PIGN: variants seen among roughly 807,000 people sequenced by gnomAD.
The protein encoded by PIGN is phosphatidylinositol glycan anchor biosynthesis class N, also known as GPI ethanolamine phosphate transferase 1.
PIGN carries 117 observed loss-of-function variants against 125.4 expected under a neutral mutation model. That is an observed-to-expected ratio of 0.93 (90% CI 0.80 to 1.09). PIGN has a LOEUF of 1.09. Ranked by LOEUF, PIGN falls within the 50% of genes least tolerant of loss-of-function variation. PIGN has a pLI of 0.00. For synonymous variants in PIGN, 392 were observed against 377.8 expected (o/e 1.04, Z -0.44); for missense variants, 1,075 against 1,094.9 (o/e 0.98, Z 0.26).
intron 30 of PIGN, among the ~76,000 whole-genome samples, chr18:62,064,473 T>C (rs1359088349): frequency 6.6e-6 from 1 of 152,206 alleles, no homozygotes; most frequent in Admixed American, 6.5e-5. Flanking sequence ...GTATGGTGAG[T>C]GTTCAATATG....
At chr18:62,140,589 G>T in intron 11 of PIGN, 110 bp from the exon 12 acceptor site, 1 of 560,702 alleles carries the variant, frequency 1.8e-6, no homozygotes. Flanking sequence ...GTTATAATCA[G>T]TTACCTTCAA....
At chr18:62,175,033 T>C (rs1181204317) in intron 1 of PIGN, among the ~76,000 whole-genome samples, 2 of 145,586 alleles carry the variant, frequency 1.4e-5, no homozygotes, top group East Asian at 4.0e-4. Context: ...ATATATTAGA[T>C]ATATATTATA....
At chr18:62,115,559 C>G (rs2035056765) in intron 14 of PIGN, among the ~76,000 whole-genome samples, 1 of 149,822 alleles carries the variant, frequency 6.7e-6, no homozygotes. Flanking sequence ...CATGGGTCGA[C>G]ATAATATAAT....
chr18:62,165,399 G>A (rs2037096428), intron 1 of PIGN, among the ~76,000 whole-genome samples: 1 of 152,022 alleles, frequency 6.6e-6, no homozygotes, highest in African/African-American at 2.4e-5. Flanking sequence ...AATAAACTAA[G>A]ACCTGGGGCT....
intron 30 of PIGN, among the ~76,000 whole-genome samples, chr18:62,065,127 C>A (rs1367455845): frequency 1.3e-5 from 2 of 152,094 alleles, no homozygotes; most frequent in Non-Finnish European, 2.9e-5. Context: ...TCTCTCTCTC[C>A]CTCCCTTTGT....
intron 28 of PIGN, 65 bp downstream of exon 28, chr18:62,082,608 C>T (rs553671488): frequency 3.7e-5 from 31 of 837,606 alleles, no homozygotes; most frequent in African/African-American, 3.6e-4. Flanking sequence ...GAAATGTCTT[C>T]GAAAGTTTAC....
intron 23 of PIGN, among the ~76,000 whole-genome samples, chr18:62,032,089 T>C (rs983641969): frequency 2.0e-5 from 3 of 152,194 alleles, no homozygotes; most frequent in Admixed American, 2.0e-4. Flanking sequence ...TTAAGGACTT[T>C]TGCCATTGGG....
intron 21 of PIGN, 145 bp from the exon 22 acceptor site, chr18:62,101,328 C>A: frequency 1.7e-6 from 1 of 592,502 alleles, no homozygotes; most frequent in Non-Finnish European, 3.0e-6. Flanking sequence ...GTGGACAGTA[C>A]AGGAACTGAT....
chr18:62,047,390 C>A lies in PIGN; in HGVS notation c.2673-1411G>T, dbSNP rs61483616. Among the ~76,000 whole-genome samples the A allele has an allele frequency of 1.0e-2, 1,523 of 152,316 alleles. 20 individuals carry two copies. Among genetic ancestry groups the A allele is most frequent in the East Asian group, 0.049 (253 of 5,180 alleles). On this transcript the variant is annotated intron_variant, in intron 30 of 30. Coordinates refer to ENST00000640252, the MANE Select transcript of PIGN (RefSeq NM_176787.5). ...TGAAGCAGTAATGAGGTCCCTCCCC[C>A]TCTTCAATGGGGTCATGTCAGAGGA...
intron 1 of PIGN, among the ~76,000 whole-genome samples, chr18:62,174,156 G>T (rs910053320): frequency 1.3e-5 from 2 of 151,126 alleles, no homozygotes; most frequent in East Asian, 3.9e-4. Context: ...GGAGTTTACA[G>T]TGAACCAAGA....
chr18:62,022,720 T>C (rs959509143), intron 23 of PIGN, among the ~76,000 whole-genome samples: 5 of 152,194 alleles, frequency 3.3e-5, no homozygotes, highest in African/African-American at 9.7e-5. Context: ...GTACCTTGCA[T>C]TTCATTAGTA....
At chr18:62,113,917 C>T (rs1216698089) in intron 15 of PIGN, among the ~76,000 whole-genome samples, 1 of 152,108 alleles carries the variant, frequency 6.6e-6, no homozygotes, top group Non-Finnish European at 1.5e-5. Flanking sequence ...AAAATTTCAA[C>T]ATGAATCATT....
chr18:62,034,088 G>A (rs2030228543), intron 23 of PIGN, among the ~76,000 whole-genome samples: 1 of 152,188 alleles, frequency 6.6e-6, no homozygotes, highest in South Asian at 2.1e-4. Flanking sequence ...GAATTAGGTT[G>A]AATATGCCTT....
At position 62,031,445 on chromosome 18, in the gene PIGN, C is replaced by G. The variant is rs370445378; in HGVS notation, c.2143-13704G>C. Among the ~76,000 whole-genome samples the G allele has an allele frequency of 2.2e-3, 340 of 152,232 alleles. 3 individuals carry two copies. Among genetic ancestry groups the G allele is most frequent in the African/African-American group, 8.0e-3 (331 of 41,530 alleles). ...TTGTCTGAAACTATTTATGGGAACCCTTGGAATAAAAAGTAGGGATGAACC... is the reference window on the plus strand; with the variant it reads ...TTGTCTGAAACTATTTATGGGAACCGTTGGAATAAAAAGTAGGGATGAACC... On this transcript the variant is annotated intron_variant, in intron 23 of 24. Coordinates refer to the PIGN transcript ENST00000639600.
At chr18:62,152,467 C>T (rs1462857499) in intron 7 of PIGN, among the ~76,000 whole-genome samples, 1 of 151,964 alleles carries the variant, frequency 6.6e-6, no homozygotes, top group East Asian at 1.9e-4. Context: ...AGCGCCCTGG[C>T]TGAGAAAGTC....
At chr18:62,121,615 T>C (rs1346243369) in intron 14 of PIGN, among the ~76,000 whole-genome samples, 1 of 152,114 alleles carries the variant, frequency 6.6e-6, no homozygotes, top group East Asian at 1.9e-4. Flanking sequence ...TGAGAACATG[T>C]AAAATTTGTC....
chr18:62,157,819 T>C lies in PIGN; in HGVS notation c.222-11A>G, dbSNP rs1304047108. The C allele has an allele frequency of 3.1e-6, 5 of 1,603,436 alleles. No individual in the cohort carries two copies. The highest frequency in any genetic ancestry group is 3.4e-6 in the Non-Finnish European group (4 of 1,173,206). ...TGCATTATGATATTCCTAAAAGATA[T>C]TAAAGACAAATAGTTAACACAGACT... On this transcript the variant is annotated splice_polypyrimidine_tract_variant and intron_variant, in intron 4 of 30. Transcript: ENST00000640252.
chr18:62,110,219 T>C (rs763609647), intron 16 of PIGN: 29 of 356,502 alleles, frequency 8.1e-5, no homozygotes, highest in Admixed American at 2.1e-4. Context: ...AAAGTGACTA[T>C]GGCCTTAAAG....
intron 14 of PIGN, chr18:62,137,124 C>A: frequency 5.0e-6 from 2 of 398,626 alleles, no homozygotes; most frequent in Non-Finnish European, 8.8e-6. Flanking sequence ...TAGAATAAAG[C>A]AGGCAGAAGA....
Sources: gnomAD v4.1 joint callset for allele counts (sites outside exome capture counted in the v4.1 genomes callset) on GRCh38, gnomAD v4.1.1 for gene constraint, MANE v1.5 for transcripts, NCBI Gene and HGNC (gene_info 2026-07-23, HGNC 2026-07-21) for gene names.